The following FAM184B variants were observed in gnomAD, a reference collection of about 807,000 sequenced individuals.
FAM184B encodes the protein family with sequence similarity 184 member B, also known as protein FAM184B.
A neutral mutation model predicts 135.9 loss-of-function variants in FAM184B; 111 were observed. The observed-to-expected ratio is 0.82, with a 90% CI of 0.70 to 0.96. The LOEUF (loss-of-function observed/expected upper bound fraction) is 0.96. FAM184B is among the 40% of genes least tolerant of loss of function. FAM184B has a pLI of 0.00. For synonymous variants in FAM184B, 552 were observed against 524.8 expected, an observed-to-expected ratio of 1.05 and a Z score of -0.71; for missense variants, 1,375 against 1,323.9, an observed-to-expected ratio of 1.04 and a Z score of -0.60.
intron 1 of FAM184B, among the ~76,000 whole-genome samples, chr4:17,718,751 C>G (rs2108971065): frequency 6.6e-6 from 1 of 152,342 alleles, no homozygotes; most frequent in Non-Finnish European, 1.5e-5. Context: ...AGACACAGAG[C>G]AGGCTGGACC....
intron 1 of FAM184B, among the ~76,000 whole-genome samples, chr4:17,715,068 C>T (rs1455358420): frequency 6.6e-6 from 1 of 152,130 alleles, no homozygotes; most frequent in Non-Finnish European, 1.5e-5. Context: ...ATGTTACATA[C>T]TCCATATCAC....
chr4:17,780,499 G>A (rs1315253997), intron 1 of FAM184B, among the ~76,000 whole-genome samples: 1 of 152,028 alleles, frequency 6.6e-6, no homozygotes, highest in Non-Finnish European at 1.5e-5. Flanking sequence ...TCTTTTTGCT[G>A]GTCTTCTTGA....
chr4:17,637,097 GCT>G lies in FAM184B; in HGVS notation c.2667-454_2667-453del, dbSNP rs1284443567. On this transcript the variant is annotated intron_variant, in intron 14 of 17. Transcript: ENST00000265018. The stretch of plus-strand genomic sequence containing the variant: ...GCTGCAGTGCAATGGCGCGGTCTCG[GCT>G]CTCTGCAACCTCCGCCTCCCTGGTT... Among the ~76,000 whole-genome samples the G allele has an allele frequency of 2.6e-5, 4 of 152,158 alleles. No homozygotes were observed. The East Asian group carries it at 5.8e-4, about 22-fold the overall frequency.
chr4:17,709,701 T>C, intron 1 of FAM184B, 57 bp from the exon 2 acceptor site: 2 of 1,415,244 alleles, frequency 1.4e-6, no homozygotes, highest in Non-Finnish European at 9.3e-7. Flanking sequence ...GTGGGAGGGC[T>C]GAGGGGACAG....
chr4:17,747,633 A>C (rs1718194677), intron 1 of FAM184B, among the ~76,000 whole-genome samples: 1 of 152,018 alleles, frequency 6.6e-6, no homozygotes, highest in African/African-American at 2.4e-5. Flanking sequence ...CTCTATTAAA[A>C]ATTCAAGGCC....
Position 17,781,469 on chromosome 4 carries a change from C to G in FAM184B, c.-170G>C. On this transcript the variant is annotated 5_prime_UTR_variant, in exon 1 of 18. Transcript: ENST00000265018. The surrounding 1 kb of genome is among the most constrained non-coding windows in gnomAD (Gnocchi z 6.5). ...CAGCTTCCCGAAGGTCTCCGCCTCC[C>G]GGGCCCACCCGCGCGCCCACCCTTT... The G allele has an allele frequency of 3.9e-6, 3 of 771,384 alleles. No homozygotes were observed. The highest frequency in any genetic ancestry group is 5.6e-6 in the Non-Finnish European group (3 of 533,760). 47.8% of individuals were successfully genotyped at this position (771,384 alleles called of 1,614,324 possible).
At position 17,752,767 on chromosome 4, in the gene FAM184B, T is replaced by A. The variant is rs112245551; in HGVS notation, c.141+28392A>T. On this transcript the variant is annotated intron_variant, in intron 1 of 17. Transcript: ENST00000265018. The stretch of plus-strand genomic sequence containing the variant: ...GCAAATGAACTATCAAACCGATACA[T>A]ATGACAGCACTCAGAAATCTAATAT... 6.3e-4 allele frequency among the ~76,000 whole-genome samples: 96 copies of A among 152,232 alleles called. 1 individual carries two copies. Among genetic ancestry groups the A allele is most frequent in the African/African-American group, 2.1e-3 (88 of 41,464 alleles).
At chr4:17,741,882 G>T (rs1478031160) in intron 1 of FAM184B, among the ~76,000 whole-genome samples, 4 of 152,074 alleles carry the variant, frequency 2.6e-5, no homozygotes, top group Non-Finnish European at 5.9e-5. Context: ...GGTTACCAGT[G>T]GTTGGGGCAA....
At chr4:17,670,431 A>G (rs1017841470) in intron 7 of FAM184B, among the ~76,000 whole-genome samples, 1 of 152,218 alleles carries the variant, frequency 6.6e-6, no homozygotes, top group African/African-American at 2.4e-5. Flanking sequence ...GGATCTCATG[A>G]CAGTTATTAG....
In FAM184B at chr4:17,723,167, A is replaced by G. The variant is rs542391631; in HGVS notation, c.142-13523T>C. 2.6e-5 allele frequency among the ~76,000 whole-genome samples: 4 copies of G among 152,350 alleles called. No individual in the cohort carries two copies. The South Asian group carries it at 8.3e-4, about 32-fold the overall frequency. ...TTTCCAGTTCACCAAGCAACTTTACAAGGTAAACCCCGCAGCATGATAAAT... is the reference window on the plus strand; with the variant it reads ...TTTCCAGTTCACCAAGCAACTTTACGAGGTAAACCCCGCAGCATGATAAAT... On this transcript the variant is annotated intron_variant, in intron 1 of 17. Transcript: ENST00000265018.
chr4:17,688,371 T>G, intron 7 of FAM184B, 53 bp downstream of exon 7: 3 of 1,390,920 alleles, frequency 2.2e-6, no homozygotes, highest in Non-Finnish European at 3.0e-6. Context: ...ACTGAAAGGC[T>G]GAGACCGAGA....
chr4:17,647,376 G>A (rs1358711302), intron 12 of FAM184B, among the ~76,000 whole-genome samples: 4 of 151,356 alleles, frequency 2.6e-5, no homozygotes, highest in South Asian at 4.2e-4. Context: ...TCAGACTCCC[G>A]AGCCAGTATT....
chr4:17,737,350 T>C (rs546685772), intron 1 of FAM184B, among the ~76,000 whole-genome samples: 6 of 152,126 alleles, frequency 3.9e-5, no homozygotes, highest in African/African-American at 1.4e-4. Flanking sequence ...GCCTGTTCCA[T>C]GATTTTCAGA....
Position 17,709,182 on chromosome 4 carries a change from G to T in FAM184B, c.604C>A (p.Arg202=), listed in dbSNP as rs1459311448. ...EMQEVLLEVQ[R]LRVENQQLSK... ...AGCTGCTGGTTCTCCACTCGCAGCC[G>T]CTGCACCTCTAGCAGGACCTCCTGC... The change falls in exon 2 of 18, where the codon CGG becomes AGG. Residue 202 remains arginine (R), a synonymous_variant. Transcript: ENST00000265018. The T allele has an allele frequency of 2.6e-6, 4 of 1,548,024 alleles. No individual in the cohort carries two copies. The African/African-American group carries it at 4.1e-5, about 16-fold the overall frequency.
intron 10 of FAM184B, among the ~76,000 whole-genome samples, chr4:17,654,876 G>T (rs541835659): frequency 6.6e-6 from 1 of 152,044 alleles, no homozygotes; most frequent in Non-Finnish European, 1.5e-5. Flanking sequence ...TTTTTGAGAC[G>T]AGGTCTCACT....
At chr4:17,708,375 T>C (rs551045646) in intron 2 of FAM184B, among the ~76,000 whole-genome samples, 51 of 152,020 alleles carry the variant, frequency 3.4e-4, no homozygotes, top group Admixed American at 1.8e-3. Context: ...TGGGGCGCAG[T>C]GGCTCGAGTC....
intron 1 of FAM184B, among the ~76,000 whole-genome samples, chr4:17,773,149 A>G (rs752420319): frequency 1.3e-5 from 2 of 152,200 alleles, no homozygotes; most frequent in Non-Finnish European, 2.9e-5. Flanking sequence ...GGACAAGAAT[A>G]CTGACACCCT....
intron 7 of FAM184B, among the ~76,000 whole-genome samples, chr4:17,671,313 C>A (rs532656579): frequency 6.6e-6 from 1 of 152,276 alleles, no homozygotes; most frequent in African/African-American, 2.4e-5. Context: ...AGAGGGCTAG[C>A]TTTTGTCTTG....
intron 1 of FAM184B, among the ~76,000 whole-genome samples, chr4:17,711,924 T>G (rs1717282191): frequency 6.6e-6 from 1 of 152,190 alleles, no homozygotes; most frequent in African/African-American, 2.4e-5. Context: ...TGAGCTGAGT[T>G]GGAGGACAGG....
Sources: gnomAD v4.1 joint callset for allele counts (sites outside exome capture counted in the v4.1 genomes callset) on GRCh38, gnomAD v4.1.1 for gene constraint, Gnocchi (gnomAD v3.1) non-coding constraint, MANE v1.5 for transcripts, NCBI Gene and HGNC (gene_info 2026-07-23, HGNC 2026-07-21) for gene names.